The following FSTL5 variants were observed in gnomAD, a reference collection of about 807,000 sequenced individuals.
FSTL5 encodes follistatin like 5.
Under a neutral mutation model 89.1 loss-of-function variants are expected in FSTL5, and 62 were observed. The observed-to-expected ratio is 0.70, with a 90% CI of 0.57 to 0.86. The LOEUF (loss-of-function observed/expected upper bound fraction) is 0.86, where lower values mean the gene tolerates loss of function less well. Among genes scored for constraint, FSTL5 ranks in the 40% least tolerant of loss-of-function variants. The pLI is 0.00. For missense variants in FSTL5, 1,057 were observed against 1,001.6 expected, an observed-to-expected ratio of 1.06 and a Z score of -0.75; for synonymous variants, 383 against 346.2, an observed-to-expected ratio of 1.11 and a Z score of -1.18.
chr4:161,702,914 TG>T (rs1282644609), intron 6 of FSTL5, among the ~76,000 whole-genome samples: 4 of 152,082 alleles, frequency 2.6e-5, no homozygotes, highest in Admixed American at 6.6e-5. Context: ...TACCCATGAA[TG>T]AGGCTGTATT....
chr4:161,670,023 T>C (rs933615766), intron 6 of FSTL5, among the ~76,000 whole-genome samples: 3 of 152,178 alleles, frequency 2.0e-5, no homozygotes, highest in East Asian at 1.9e-4. Context: ...TTTATTGGTG[T>C]AAATACTATG....
chr4:161,582,485 A>C (rs765650845), intron 8 of FSTL5, among the ~76,000 whole-genome samples: 1 of 152,264 alleles, frequency 6.6e-6, no homozygotes, highest in East Asian at 1.9e-4. Flanking sequence ...ACACTTGAGT[A>C]ATCCCAAGTT....
intron 11 of FSTL5, among the ~76,000 whole-genome samples, chr4:161,505,024 T>G (rs749241999): frequency 6.6e-6 from 1 of 152,126 alleles, no homozygotes; most frequent in Non-Finnish European, 1.5e-5. Context: ...AAGTGTATGA[T>G]GTAGTGATTT....
chr4:162,110,013 A>G (rs17599207), intron 2 of FSTL5, among the ~76,000 whole-genome samples: 6,983 of 152,088 alleles, frequency 0.046, 366 homozygotes, highest in East Asian at 0.27. Context: ...TTGATAATTG[A>G]AAAGTGGTAG....
At chr4:161,949,778 T>TTA (rs1470656712) in intron 3 of FSTL5, among the ~76,000 whole-genome samples, 2 of 151,944 alleles carry the variant, frequency 1.3e-5, no homozygotes, top group African/African-American at 2.4e-5. Context: ...GTTTTTTTTT[T>TTA]TAAATTAACA....
intron 4 of FSTL5, among the ~76,000 whole-genome samples, chr4:161,898,912 A>G (rs1447615943): frequency 6.6e-6 from 1 of 152,000 alleles, no homozygotes; most frequent in African/African-American, 2.4e-5. Flanking sequence ...TACAAGCCTG[A>G]GCCACCGCGC....
At chr4:161,621,598 C>A (rs978733003) in intron 7 of FSTL5, among the ~76,000 whole-genome samples, 1 of 151,812 alleles carries the variant, frequency 6.6e-6, no homozygotes, top group African/African-American at 2.4e-5. Context: ...GAAAAGTTAA[C>A]AAAGCAAAAT....
At chr4:161,987,515 C>A in intron 3 of FSTL5, among the ~76,000 whole-genome samples, 1 of 144,562 alleles carries the variant, frequency 6.9e-6, no homozygotes, top group East Asian at 2.0e-4. Context: ...AAATTTAAAA[C>A]AAATGCTACT....
intron 1 of FSTL5, among the ~76,000 whole-genome samples, chr4:162,129,881 C>T (rs924995444): frequency 6.6e-6 from 1 of 152,142 alleles, no homozygotes; most frequent in African/African-American, 2.4e-5. Flanking sequence ...CAAAGAGAGG[C>T]ATCATTTCTT....
intron 1 of FSTL5, among the ~76,000 whole-genome samples, chr4:162,127,044 C>T (rs866216276): frequency 6.6e-6 from 1 of 152,004 alleles, no homozygotes; most frequent in East Asian, 1.9e-4. Context: ...TTATTTAAGC[C>T]GCACCATTGA....
chr4:162,101,992 G>A (rs973404918), intron 2 of FSTL5, among the ~76,000 whole-genome samples: 1 of 151,974 alleles, frequency 6.6e-6, no homozygotes, highest in African/African-American at 2.4e-5. Flanking sequence ...ATACATATTT[G>A]GAGTATCCAC....
intron 4 of FSTL5, among the ~76,000 whole-genome samples, chr4:161,865,109 CA>C (rs1482966019): frequency 3.3e-5 from 5 of 151,888 alleles, no homozygotes; most frequent in African/African-American, 1.2e-4. Context: ...AACATGAAAA[CA>C]GGGCCAGTTT....
intron 1 of FSTL5, among the ~76,000 whole-genome samples, chr4:162,125,720 T>C (rs930920679): frequency 3.3e-5 from 5 of 152,048 alleles, no homozygotes; most frequent in Non-Finnish European, 5.9e-5. Context: ...TTTTAATCCT[T>C]AGTGTAATTT....
chr4:161,794,371 C>T (rs1311057365), intron 4 of FSTL5, among the ~76,000 whole-genome samples: 1 of 152,196 alleles, frequency 6.6e-6, no homozygotes, highest in African/African-American at 2.4e-5. Context: ...ATCTAGACCA[C>T]AATTTCCTAG....
chr4:162,068,418 T>C (rs1380557042), intron 2 of FSTL5, among the ~76,000 whole-genome samples: 1 of 152,082 alleles, frequency 6.6e-6, no homozygotes, highest in Non-Finnish European at 1.5e-5. Context: ...CCATCTGATC[T>C]TCGACAAACC....
rs1740706277 is a variant in FSTL5, at chr4:161,759,484, C to A, written c.654G>T (p.Leu218Phe). The A allele has an allele frequency of 6.3e-7, 1 of 1,592,066 alleles. No homozygotes were observed. Among genetic ancestry groups the A allele is most frequent in the African/African-American group, 1.4e-5 (1 of 73,950 alleles). Residue 218 changes from leucine (L) to phenylalanine (F), a missense_variant, in exon 6 of 16, where the codon TTG (leucine) becomes TTT (phenylalanine). Leu to Phe is a conservative substitution (Grantham distance 22). Coordinates refer to ENST00000306100, the MANE Select transcript of FSTL5 (RefSeq NM_020116.5). ...ELGKDLFDCTLYVLLKYDDFN... is the reference protein window; with the variant it reads ...ELGKDLFDCTFYVLLKYDDFN... Reference sequence around the variant, plus strand: ...AATCATCATATTTCAATAGAACATACAAAGTACAATCAAAGAGATCCTTGC... The same window carrying A: ...AATCATCATATTTCAATAGAACATAAAAAGTACAATCAAAGAGATCCTTGC...
intron 15 of FSTL5, among the ~76,000 whole-genome samples, chr4:161,424,519 T>C (rs1330723049): frequency 8.2e-6 from 1 of 121,472 alleles, no homozygotes; most frequent in Admixed American, 9.5e-5. Flanking sequence ...CATCTCCTTT[T>C]CCTCCTTTAA....
chr4:161,847,933 G>A (rs1231864012), intron 4 of FSTL5, among the ~76,000 whole-genome samples: 1 of 145,124 alleles, frequency 6.9e-6, no homozygotes, highest in Admixed American at 7.4e-5. Flanking sequence ...CTACTCGGGA[G>A]ACTGAGGAAG....
intron 6 of FSTL5, among the ~76,000 whole-genome samples, chr4:161,674,659 C>T (rs1232641973): frequency 6.6e-6 from 1 of 152,124 alleles, no homozygotes; most frequent in African/African-American, 2.4e-5. Flanking sequence ...CCCTCACGGG[C>T]TTGTTTGATT....
Sources: allele counts gnomAD v4.1 joint callset (sites outside exome capture counted in the v4.1 genomes callset), GRCh38; gene constraint gnomAD v4.1.1; transcripts MANE v1.5; gene names NCBI Gene and HGNC (gene_info 2026-07-23, HGNC 2026-07-21).